TMEM204: variants seen among roughly 807,000 people sequenced by gnomAD.
The protein encoded by TMEM204 is claudin-like protein 24.
A neutral mutation model predicts 19.4 loss-of-function variants in TMEM204; 15 were observed. The ratio of observed to expected loss-of-function variants is 0.77; its 90% CI spans 0.52 to 1.19. The LOEUF is 1.19. TMEM204 is among the 50% of genes most tolerant of loss of function. The pLI is 0.00. For missense variants in TMEM204, 287 were observed against 321.2 expected (o/e 0.89, Z 0.81); for synonymous variants, 161 against 146.0 (o/e 1.10, Z -0.74).
At chr16:1,542,982 T>A (rs1220186487) in intron 2 of TMEM204, among the ~76,000 whole-genome samples, 2 of 152,242 alleles carry the variant, frequency 1.3e-5, no homozygotes, top group Non-Finnish European at 2.9e-5. Context: ...GCCACAGCAG[T>A]GTCCAGCCAT....
chr16:1,535,217 C>T (rs961768426), intron 1 of TMEM204, among the ~76,000 whole-genome samples: 6 of 152,052 alleles, frequency 3.9e-5, no homozygotes, highest in African/African-American at 7.2e-5. Context: ...GGAAAGGAGA[C>T]AGGGAGGCCA....
At chr16:1,545,961 G>A (rs1358681076) in intron 2 of TMEM204, among the ~76,000 whole-genome samples, 4 of 152,220 alleles carry the variant, frequency 2.6e-5, no homozygotes, top group Non-Finnish European at 4.4e-5. Context: ...CCACTGTCCT[G>A]GCTTGGCTGC....
At chr16:1,542,552 A>G (rs2031750511) in intron 2 of TMEM204, among the ~76,000 whole-genome samples, 1 of 152,206 alleles carries the variant, frequency 6.6e-6, no homozygotes, top group Admixed American at 6.5e-5. Context: ...AGGAAGGCCA[A>G]GGCATGTGCT....
chr16:1,535,337 A>G (rs1033859899), intron 1 of TMEM204, among the ~76,000 whole-genome samples: 2 of 152,158 alleles, frequency 1.3e-5, no homozygotes, highest in Non-Finnish European at 1.5e-5. Flanking sequence ...GGCTGCATAA[A>G]TAGGAAGGCG....
intron 2 of TMEM204, among the ~76,000 whole-genome samples, chr16:1,554,401 GC>G (rs888303871): frequency 3.2e-4 from 49 of 152,152 alleles, no homozygotes; most frequent in African/African-American, 1.2e-3. Context: ...GCTAGGAAAG[GC>G]CCCCCCAAGT....
At chr16:1,532,623 C>T (rs1353467571), upstream of TMEM204, 1 of 152,310 alleles carries the variant, frequency 6.6e-6, no homozygotes, top group African/African-American at 2.4e-5. Context: ...ACAGGACTCT[C>T]TGTCCCAGCA....
chr16:1,537,037 C>A (rs2031144198), intron 1 of TMEM204, among the ~76,000 whole-genome samples: 1 of 152,248 alleles, frequency 6.6e-6, no homozygotes, highest in Non-Finnish European at 1.5e-5. Flanking sequence ...CCAGCCAGCT[C>A]CTAGCGTCTT....
upstream of TMEM204, chr16:1,532,070 T>A (rs1330623282): frequency 6.6e-6 from 1 of 152,288 alleles, no homozygotes; most frequent in Non-Finnish European, 1.5e-5. Flanking sequence ...TTAGGAACAC[T>A]GAGTGTTTGA....
Position 1,553,518 on chromosome 16 carries a change from G to A in TMEM204, c.437-1264G>A. 1.0e-6 allele frequency: 1 copy of A among 992,742 alleles called. No individual in the cohort carries two copies. 61.5% of individuals were successfully genotyped at this position (992,742 alleles called of 1,614,324 possible). On this transcript the variant is annotated intron_variant, in intron 2 of 2. Coordinates refer to ENST00000566264, the MANE Select transcript of TMEM204 (RefSeq NM_024600.6). The surrounding 1 kb of genome is among the most constrained non-coding windows in gnomAD (Gnocchi z 4.4). ...CTCGGCGTGGCCGGAGCCTGGGGAG[G>A]GACATGGACAAGTCCTCTATGGACA...
At chr16:1,550,751 AAATGCC>A (rs1411313854) in intron 2 of TMEM204, among the ~76,000 whole-genome samples, 2 of 152,236 alleles carry the variant, frequency 1.3e-5, no homozygotes, top group East Asian at 3.8e-4. Flanking sequence ...AGGCCCTGCC[AAATGCC>A]ACCCTCTGGG....
intron 2 of TMEM204, among the ~76,000 whole-genome samples, chr16:1,544,009 C>A (rs979650781): frequency 6.6e-6 from 1 of 151,758 alleles, no homozygotes; most frequent in African/African-American, 2.4e-5. Flanking sequence ...CCCAATGGAT[C>A]ACTACATTTC....
chr16:1,541,767 C>T (rs924888263), intron 1 of TMEM204, among the ~76,000 whole-genome samples, 154 bp from the exon 2 acceptor site: 5 of 152,156 alleles, frequency 3.3e-5, no homozygotes, highest in Admixed American at 2.0e-4. Flanking sequence ...AGGGGGAGGG[C>T]GTGATGCTTC....
chr16:1,530,472 C>T (rs1247708181), upstream of TMEM204, among the ~76,000 whole-genome samples: 1 of 152,208 alleles, frequency 6.6e-6, no homozygotes, highest in Non-Finnish European at 1.5e-5. Flanking sequence ...TGTGCACACC[C>T]TCTCCCGAGG....
At chr16:1,539,598 C>A (rs1472549910) in intron 1 of TMEM204, among the ~76,000 whole-genome samples, 2 of 152,250 alleles carry the variant, frequency 1.3e-5, no homozygotes, top group African/African-American at 2.4e-5. Flanking sequence ...TTAGAGAGAA[C>A]CTCGCGGGAG....
At chr16:1,544,704 A>G (rs1207012341) in intron 2 of TMEM204, among the ~76,000 whole-genome samples, 3 of 150,878 alleles carry the variant, frequency 2.0e-5, no homozygotes, top group South Asian at 2.1e-4. Context: ...GCTGGAGTGC[A>G]GTGGCGCGAT....
At chr16:1,534,628 G>T (rs1038269526) in intron 1 of TMEM204, 73 bp downstream of exon 1, 93 of 1,589,942 alleles carry the variant, frequency 5.8e-5, no homozygotes, top group Non-Finnish European at 7.8e-5. Context: ...GTTAGGCGCG[G>T]ACCTGGTGAG....
At chr16:1,529,046 T>A (rs1012947949), upstream of TMEM204, among the ~76,000 whole-genome samples, 1 of 152,132 alleles carries the variant, frequency 6.6e-6, no homozygotes, top group Non-Finnish European at 1.5e-5. Flanking sequence ...GGACGCAGGT[T>A]CCTGGGATGG....
At chr16:1,547,271 C>T (rs187820867) in intron 2 of TMEM204, among the ~76,000 whole-genome samples, 86 of 152,306 alleles carry the variant, frequency 5.6e-4, no homozygotes, top group African/African-American at 1.6e-3. Flanking sequence ...GGCACTGGTC[C>T]GTCCCGATGC....
At position 1,534,105 on chromosome 16, in the gene TMEM204, C is replaced by G. The variant is rs750793488; in HGVS notation, c.-171C>G. ...CCAGGTGCAGGAAGGAGGATAAGGC[C>G]GGGCCGAGAGGCGGCACACCTGGAC... On this transcript the variant is annotated 5_prime_UTR_variant, in exon 1 of 3. Coordinates refer to ENST00000566264, the MANE Select transcript of TMEM204 (RefSeq NM_024600.6). The G allele has an allele frequency of 1.4e-5, 11 of 772,002 alleles. No homozygotes were observed. Among genetic ancestry groups the G allele is most frequent in the African/African-American group, 3.6e-5 (2 of 55,170 alleles). 47.8% of individuals were successfully genotyped at this position (772,002 alleles called of 1,614,324 possible).
Sources: allele counts gnomAD v4.1 joint callset (sites outside exome capture counted in the v4.1 genomes callset), GRCh38; gene constraint gnomAD v4.1.1; non-coding constraint Gnocchi (gnomAD v3.1); transcripts MANE v1.5; gene names NCBI Gene and HGNC (gene_info 2026-07-23, HGNC 2026-07-21).